The following SUMF1 variants were observed in gnomAD, a reference collection of about 807,000 sequenced individuals.
SUMF1 encodes the protein formylglycine-generating enzyme.
In SUMF1, 48 loss-of-function variants were observed where a neutral mutation model predicts 47.6. That is an observed-to-expected ratio of 1.01 (90% CI 0.80 to 1.28). The LOEUF is 1.28. Among genes scored for constraint, SUMF1 ranks in the 50% most tolerant of loss-of-function variants. The probability of loss-of-function intolerance (pLI) is 0.00; values close to 1 mark genes in which losing one functional copy is unlikely to be tolerated. For missense variants in SUMF1, 571 were observed against 485.4 expected (o/e 1.18, Z -1.66); for synonymous variants, 230 against 192.1 (o/e 1.20, Z -1.63).
intron 6 of SUMF1, among the ~76,000 whole-genome samples, chr3:4,416,725 G>A (rs1316876156): frequency 3.1e-5 from 3 of 97,012 alleles, no homozygotes; most frequent in African/African-American, 1.2e-4. Context: ...GACAATTCAT[G>A]CAAATGCCTT....
intron 8 of SUMF1, among the ~76,000 whole-genome samples, chr3:4,075,632 TTCAGCA>T (rs1692415892): frequency 6.6e-6 from 1 of 152,120 alleles, no homozygotes; most frequent in African/African-American, 2.4e-5. Flanking sequence ...GATGAGTAAC[TTCAGCA>T]AAGTCTCAGG....
intron 9 of SUMF1, among the ~76,000 whole-genome samples, chr3:4,045,350 A>G (rs1365152820): frequency 6.6e-6 from 1 of 151,610 alleles, no homozygotes; most frequent in Admixed American, 6.6e-5. Context: ...GTGTAAACCA[A>G]TTCCTTCCAA....
chr3:4,441,885 C>T (rs1207397987), intron 3 of SUMF1, among the ~76,000 whole-genome samples: 1 of 152,282 alleles, frequency 6.6e-6, no homozygotes, highest in Non-Finnish European at 1.5e-5. Context: ...CGTATAAAAC[C>T]AGACAGAACA....
chr3:4,303,323 G>A, intron 8 of SUMF1: 1 of 1,472,310 alleles, frequency 6.8e-7, no homozygotes, highest in Non-Finnish European at 8.9e-7. Flanking sequence ...AGCATCCACC[G>A]CGCGGCCCAG....
chr3:4,213,835 G>C (rs898429525), intron 8 of SUMF1, among the ~76,000 whole-genome samples: 1 of 152,146 alleles, frequency 6.6e-6, no homozygotes, highest in South Asian at 2.1e-4. Context: ...AATGGTAAAA[G>C]GATCAATGCA....
At chr3:4,267,464 G>A (rs917051084) in intron 8 of SUMF1, among the ~76,000 whole-genome samples, 48 of 152,132 alleles carry the variant, frequency 3.2e-4, no homozygotes, top group Non-Finnish European at 6.3e-4. Context: ...GAGAGTGTAT[G>A]TGTCGAGGAA....
At chr3:4,371,118 TA>T (rs1248081611) in intron 8 of SUMF1, among the ~76,000 whole-genome samples, 1 of 152,100 alleles carries the variant, frequency 6.6e-6, no homozygotes, top group Non-Finnish European at 1.5e-5. Context: ...ATAAAGCACA[TA>T]ATTAAAGAGG....
intron 9 of SUMF1, among the ~76,000 whole-genome samples, chr3:4,062,140 C>T (rs1485727900): frequency 6.6e-6 from 1 of 152,100 alleles, no homozygotes; most frequent in Non-Finnish European, 1.5e-5. Context: ...TACAAATCAC[C>T]AGACTCCCAG....
At chr3:4,048,641 A>G (rs1695049177) in intron 9 of SUMF1, among the ~76,000 whole-genome samples, 1 of 151,586 alleles carries the variant, frequency 6.6e-6, no homozygotes, top group Non-Finnish European at 1.5e-5. Flanking sequence ...TTCCTTTTTT[A>G]GGCCCTAACT....
intron 8 of SUMF1, among the ~76,000 whole-genome samples, chr3:4,371,067 C>T (rs1356264982): frequency 6.6e-6 from 1 of 152,210 alleles, no homozygotes; most frequent in Non-Finnish European, 1.5e-5. Context: ...ATTCACTCAG[C>T]AAACATTTAT....
chr3:4,074,809 T>C (rs1290285379), intron 8 of SUMF1, among the ~76,000 whole-genome samples: 2 of 152,182 alleles, frequency 1.3e-5, no homozygotes, highest in East Asian at 1.9e-4. Flanking sequence ...AATCTCTGAA[T>C]AGACCAATGA....
intron 8 of SUMF1, among the ~76,000 whole-genome samples, chr3:4,091,035 C>G (rs1032617223): frequency 6.6e-6 from 1 of 151,344 alleles, no homozygotes; most frequent in African/African-American, 2.4e-5. Context: ...GAGCCAAGAT[C>G]GCTCCACTGC....
chr3:4,047,224 A>C (rs548285330), intron 9 of SUMF1, among the ~76,000 whole-genome samples: 88 of 151,802 alleles, frequency 5.8e-4, no homozygotes, highest in African/African-American at 2.1e-3. Flanking sequence ...TTGCCATTGT[A>C]CTCTGTTTTA....
chr3:4,434,124 C>A (rs1435024060), intron 3 of SUMF1, among the ~76,000 whole-genome samples: 2 of 152,080 alleles, frequency 1.3e-5, no homozygotes, highest in African/African-American at 4.8e-5. Flanking sequence ...TCACCAGAGG[C>A]TGAAGAGTTA....
rs139062134 is a variant in SUMF1 at position 4,221,301 on chromosome 3, C to G, written c.1015-152556G>C. On this transcript the variant is annotated intron_variant and NMD_transcript_variant, in intron 8 of 12. Coordinates refer to the SUMF1 transcript ENST00000448413. ...AGAGCTAGTTAGAGACATGTGGACA[C>G]TGATGGATGGAGGTGTTTTAAGTTG... Among the ~76,000 whole-genome samples the G allele has an allele frequency of 9.1e-4, 138 of 152,202 alleles. 1 individual carries two copies. Among genetic ancestry groups the G allele is most frequent in the Admixed American group, 6.1e-3 (93 of 15,272 alleles).
intron 7 of SUMF1, among the ~76,000 whole-genome samples, chr3:4,405,687 AT>A (rs570443523): frequency 1.3e-5 from 2 of 152,068 alleles, no homozygotes; most frequent in South Asian, 4.1e-4. Flanking sequence ...TGCACCCAGC[AT>A]ATCCGAGGTC....
chr3:4,447,209 G>A (rs1288196069), intron 3 of SUMF1, among the ~76,000 whole-genome samples: 1 of 152,026 alleles, frequency 6.6e-6, no homozygotes, highest in African/African-American at 2.4e-5. Flanking sequence ...AAAAAAAGGA[G>A]AATTTATCTC....
intron 8 of SUMF1, chr3:4,303,614 G>A: frequency 7.2e-7 from 1 of 1,381,600 alleles, no homozygotes; most frequent in Non-Finnish European, 9.4e-7. Context: ...CGGCCTCCCA[G>A]TCGCGACCTT....
chr3:4,389,735 C>G, intron 7 of SUMF1, among the ~76,000 whole-genome samples: 1 of 152,080 alleles, frequency 6.6e-6, no homozygotes, highest in East Asian at 1.9e-4. Context: ...CCTCTGTGCC[C>G]TCCATTCTGC....
Sources: gnomAD v4.1 joint callset for allele counts (sites outside exome capture counted in the v4.1 genomes callset) on GRCh38, gnomAD v4.1.1 for gene constraint, MANE v1.5 for transcripts, NCBI Gene and HGNC (gene_info 2026-07-23, HGNC 2026-07-21) for gene names.